ANKIB1: variants seen among roughly 807,000 people sequenced by gnomAD.
ANKIB1 encodes ankyrin repeat and IBR domain containing 1.
Under a neutral mutation model 122.1 loss-of-function variants are expected in ANKIB1, and 43 were observed. The observed-to-expected ratio is 0.35, with a 90% confidence interval of 0.28 to 0.45. ANKIB1 has a LOEUF of 0.45. Among genes scored for constraint, ANKIB1 ranks in the 20% least tolerant of loss-of-function variants. ANKIB1 has a pLI of 1.00. For synonymous variants in ANKIB1, 390 were observed against 442.0 expected (o/e 0.88, Z 1.48); for missense variants, 992 against 1,329.5 (o/e 0.75, Z 3.95).
intron 9 of ANKIB1, among the ~76,000 whole-genome samples, chr7:92,355,507 A>T (rs1287364918): frequency 6.6e-6 from 1 of 152,304 alleles, no homozygotes; most frequent in African/African-American, 2.4e-5. Flanking sequence ...ACACATAGAC[A>T]GTCAAACATA....
intron 1 of ANKIB1, among the ~76,000 whole-genome samples, chr7:92,279,357 A>G (rs1801972194): frequency 2.0e-5 from 3 of 152,210 alleles, no homozygotes; most frequent in African/African-American, 7.2e-5. Context: ...GATGTGCGCC[A>G]ACTTGTAGCT....
intron 1 of ANKIB1, among the ~76,000 whole-genome samples, chr7:92,254,534 A>G (rs1243634587): frequency 6.6e-6 from 1 of 152,176 alleles, no homozygotes; most frequent in Non-Finnish European, 1.5e-5. Flanking sequence ...TTTTAAAAAA[A>G]AGTTTCCTAT....
chr7:92,292,680 G>C lies in ANKIB1; in HGVS notation c.-90-2209G>C, dbSNP rs1005785734. ...CCTCTTATTGGATGAAACAATAAAA[G>C]TATAATATTTTAGGCTAAAGGTTTA... On this transcript the variant is annotated intron_variant, in intron 1 of 19. Coordinates refer to ENST00000265742, the MANE Select transcript of ANKIB1 (RefSeq NM_019004.2). Among the ~76,000 whole-genome samples the C allele has an allele frequency of 7.9e-5, 12 of 152,234 alleles. No individual in the cohort carries two copies. In the East Asian group the frequency reaches 1.9e-3, roughly 24 times the overall value.
intron 4 of ANKIB1, among the ~76,000 whole-genome samples, chr7:92,323,847 C>G (rs907264197): frequency 2.6e-5 from 4 of 152,196 alleles, no homozygotes; most frequent in Admixed American, 2.6e-4. Context: ...AAGCCAGACA[C>G]AAAAGGTCAC....
intron 6 of ANKIB1, among the ~76,000 whole-genome samples, chr7:92,344,259 T>TA (rs2131977013): frequency 7.1e-6 from 1 of 139,940 alleles, no homozygotes; most frequent in East Asian, 2.2e-4. Flanking sequence ...GGCTGGAGTG[T>TA]AATGGCATGA....
intron 2 of ANKIB1, among the ~76,000 whole-genome samples, chr7:92,304,544 TAAGAG>T (rs1802519052): frequency 6.6e-6 from 1 of 152,088 alleles, no homozygotes; most frequent in African/African-American, 2.4e-5. Context: ...CTGAGCAAAC[TAAGAG>T]AATAACTGAT....
chr7:92,273,925 A>G (rs2131894966), intron 1 of ANKIB1, among the ~76,000 whole-genome samples: 1 of 152,022 alleles, frequency 6.6e-6, no homozygotes, highest in Admixed American at 6.5e-5. Flanking sequence ...AGTATGTGCC[A>G]CCATGGCTGG....
chr7:92,342,904 T>C, intron 5 of ANKIB1, 120 bp from the exon 6 acceptor site: 1 of 785,828 alleles, frequency 1.3e-6, no homozygotes, highest in Non-Finnish European at 2.1e-6. Context: ...TTACTACTTT[T>C]ATATACTTTT....
intron 3 of ANKIB1, among the ~76,000 whole-genome samples, chr7:92,318,245 G>T (rs1170662855): frequency 6.6e-6 from 1 of 152,168 alleles, no homozygotes; most frequent in African/African-American, 2.4e-5. Flanking sequence ...GCTGGGCGCG[G>T]TGGCTCACAC....
At chr7:92,301,145 A>G (rs1042667508) in intron 2 of ANKIB1, among the ~76,000 whole-genome samples, 2 of 152,190 alleles carry the variant, frequency 1.3e-5, no homozygotes, top group Admixed American at 6.5e-5. Flanking sequence ...ATAATGCTAT[A>G]GTGAACATGG....
At chr7:92,248,904 T>C (rs1210030421) in intron 1 of ANKIB1, among the ~76,000 whole-genome samples, 3 of 149,392 alleles carry the variant, frequency 2.0e-5, no homozygotes, top group African/African-American at 7.4e-5. Context: ...TTTTTTTTTT[T>C]TGAGATGGAG....
intron 3 of ANKIB1, among the ~76,000 whole-genome samples, chr7:92,319,094 A>T (rs561798725): frequency 3.0e-4 from 46 of 152,218 alleles, no homozygotes; most frequent in East Asian, 2.9e-3. Context: ...GGGTTTTTTT[A>T]AATTATTTTT....
At chr7:92,343,367 G>T (rs1803474046) in intron 6 of ANKIB1, 135 bp downstream of exon 6, 5 of 717,970 alleles carry the variant, frequency 7.0e-6, no homozygotes, top group Non-Finnish European at 1.1e-5. Context: ...GAAAGGTTCG[G>T]TTATTTCCAT....
chr7:92,265,478 A>G (rs953884874), intron 1 of ANKIB1, among the ~76,000 whole-genome samples: 12 of 152,240 alleles, frequency 7.9e-5, no homozygotes, highest in Non-Finnish European at 1.6e-4. Context: ...CATACTAAGC[A>G]CGATGTGGGA....
At chr7:92,269,993 C>T (rs1204488450) in intron 1 of ANKIB1, among the ~76,000 whole-genome samples, 1 of 135,494 alleles carries the variant, frequency 7.4e-6, no homozygotes, top group East Asian at 2.3e-4. Flanking sequence ...TGTGTGAGTT[C>T]CCCGCCCTGT....
chr7:92,291,311 G>A (rs1265660545), intron 1 of ANKIB1, among the ~76,000 whole-genome samples: 1 of 151,364 alleles, frequency 6.6e-6, no homozygotes, highest in Admixed American at 6.6e-5. Flanking sequence ...AAAAAAAAGA[G>A]TATAATTGGT....
chr7:92,302,118 G>C (rs1802469832), intron 2 of ANKIB1, among the ~76,000 whole-genome samples: 1 of 151,962 alleles, frequency 6.6e-6, no homozygotes, highest in Admixed American at 6.6e-5. Flanking sequence ...ATTTTTAGTA[G>C]AGATGTAGTT....
Position 92,374,883 on chromosome 7 carries a change from A to G in ANKIB1, c.1617+3276A>G, listed in dbSNP as rs1008392623. On this transcript the variant is annotated intron_variant, in intron 11 of 19. Coordinates refer to ENST00000265742, the MANE Select transcript of ANKIB1 (RefSeq NM_019004.2). ...CACTAAGCTAACATAATCAAGAAAAAAAAAATGAAGGTGAGGGAGTTCAAA... is the reference window on the plus strand; with the variant it reads ...CACTAAGCTAACATAATCAAGAAAAGAAAAATGAAGGTGAGGGAGTTCAAA... Among the ~76,000 whole-genome samples the G allele has an allele frequency of 6.6e-5, 10 of 152,232 alleles. No individual in the cohort carries two copies. The South Asian group carries it at 2.1e-3, about 32-fold the overall frequency.
chr7:92,278,985 C>G (rs1801961676), intron 1 of ANKIB1, among the ~76,000 whole-genome samples: 1 of 152,180 alleles, frequency 6.6e-6, no homozygotes, highest in Non-Finnish European at 1.5e-5. Flanking sequence ...CTTTTTGGTA[C>G]TAGAGACCGC....
Sources: gnomAD v4.1 joint callset for allele counts (sites outside exome capture counted in the v4.1 genomes callset) on GRCh38, gnomAD v4.1.1 for gene constraint, MANE v1.5 for transcripts, NCBI Gene and HGNC (gene_info 2026-07-23, HGNC 2026-07-21) for gene names.